Variants in SLC4A5 observed in about 807,000 individuals in gnomAD.
SLC4A5 encodes solute carrier family 4 member 5, also known as electrogenic sodium bicarbonate cotransporter 4.
In SLC4A5, 96 loss-of-function variants were observed where a neutral mutation model predicts 120.4. The ratio of observed to expected loss-of-function variants is 0.80; its 90% confidence interval spans 0.68 to 0.94. The LOEUF (loss-of-function observed/expected upper bound fraction) is 0.94. Ranked by LOEUF, SLC4A5 falls within the 40% of genes least tolerant of loss-of-function variation. The pLI, the probability that SLC4A5 is intolerant of heterozygous loss-of-function variation, is 0.00. For synonymous variants in SLC4A5, 550 were observed against 571.1 expected, an observed-to-expected ratio of 0.96 and a Z score of 0.53; for missense variants, 1,259 against 1,459.5, an observed-to-expected ratio of 0.86 and a Z score of 2.24.
chr2:74,341,731 C>G (rs1673631326), intron 2 of SLC4A5, among the ~76,000 whole-genome samples: 1 of 152,086 alleles, frequency 6.6e-6, no homozygotes, highest in Admixed American at 6.6e-5. Flanking sequence ...CTAGGAAGTC[C>G]AATATAAAAA....
intron 28 of SLC4A5, among the ~76,000 whole-genome samples, chr2:74,223,197 G>C (rs1187129001): frequency 1.3e-5 from 2 of 151,930 alleles, no homozygotes; most frequent in Non-Finnish European, 2.9e-5. Context: ...GTAGAGATGG[G>C]GTTTCACCAT....
intron 3 of SLC4A5, among the ~76,000 whole-genome samples, chr2:74,338,236 AG>A (rs770467202): frequency 3.3e-5 from 5 of 152,320 alleles, no homozygotes; most frequent in Non-Finnish European, 7.4e-5. Context: ...GTTTGGGGAC[AG>A]GAACTGGGCA....
intron 17 of SLC4A5, 138 bp from the exon 18 acceptor site, chr2:74,248,624 C>T (rs1558876971): frequency 2.0e-6 from 2 of 1,000,072 alleles, no homozygotes; most frequent in African/African-American, 1.6e-5. Context: ...TCCCTAAATC[C>T]TGTTCTCCAT....
In SLC4A5 at chr2:74,287,970, T is replaced by C. The variant is rs533015810; in HGVS notation, c.272-2068A>G. 1.4e-4 allele frequency among the ~76,000 whole-genome samples: 21 copies of C among 152,138 alleles called. No homozygotes were observed. The South Asian group carries it at 4.0e-3, about 29-fold the overall frequency. ...TAGTGGTCTGTGCTCATGGTCTCCATCTCCTCCTTGCCCAATCAGTTCCCG... is the reference window on the plus strand; with the variant it reads ...TAGTGGTCTGTGCTCATGGTCTCCACCTCCTCCTTGCCCAATCAGTTCCCG... On this transcript the variant is annotated intron_variant, in intron 7 of 30. Coordinates refer to ENST00000394019, the Ensembl canonical transcript of SLC4A5.
intron 5 of SLC4A5, among the ~76,000 whole-genome samples, chr2:74,327,002 A>G (rs1573107632): frequency 1.3e-5 from 2 of 152,102 alleles, no homozygotes; most frequent in African/African-American, 2.4e-5. Flanking sequence ...TTAGGTGCCC[A>G]CCCCTTCCCT....
chr2:74,340,766 T>A (rs571921077), intron 2 of SLC4A5, among the ~76,000 whole-genome samples: 1 of 152,274 alleles, frequency 6.6e-6, no homozygotes, highest in Non-Finnish European at 1.5e-5. Flanking sequence ...GGACCCTGGT[T>A]AGCTAAATAA....
intron 19 of SLC4A5, among the ~76,000 whole-genome samples, chr2:74,242,812 C>T (rs1054557158): frequency 3.3e-5 from 5 of 152,106 alleles, no homozygotes; most frequent in African/African-American, 1.2e-4. Flanking sequence ...GCCACCATGC[C>T]TGGTTAATTT....
intron 28 of SLC4A5, among the ~76,000 whole-genome samples, chr2:74,223,981 T>A (rs1017796282): frequency 1.3e-5 from 2 of 152,146 alleles, no homozygotes; most frequent in African/African-American, 4.8e-5. Flanking sequence ...ATTGGGAGAT[T>A]GGGAACCAAG....
intron 15 of SLC4A5, 35 bp downstream of exon 15, chr2:74,252,939 C>T: frequency 1.2e-6 from 2 of 1,612,486 alleles, no homozygotes; most frequent in Admixed American, 1.7e-5. Context: ...TTGAAGCCTC[C>T]TTTTTCTCTC....
intron 20 of SLC4A5, among the ~76,000 whole-genome samples, chr2:74,239,809 C>T (rs1309722369): frequency 1.5e-5 from 1 of 66,354 alleles, no homozygotes; most frequent in Non-Finnish European, 2.9e-5. Context: ...TGGCTCCCAT[C>T]AACCAACCAC....
intron 8 of SLC4A5, among the ~76,000 whole-genome samples, 183 bp downstream of exon 8, chr2:74,285,590 G>A (rs1671956142): frequency 6.6e-6 from 1 of 152,188 alleles, no homozygotes; most frequent in Admixed American, 6.5e-5. Flanking sequence ...ATTTGAGGAT[G>A]AAGAGGAATT....
intron 6 of SLC4A5, among the ~76,000 whole-genome samples, chr2:74,305,944 T>C (rs1299987509): frequency 6.6e-6 from 1 of 152,120 alleles, no homozygotes; most frequent in Non-Finnish European, 1.5e-5. Flanking sequence ...CAGGCTGGTC[T>C]CGAACTCCTG....
chr2:74,252,674 C>G (rs998324459), intron 15 of SLC4A5, among the ~76,000 whole-genome samples: 5 of 152,086 alleles, frequency 3.3e-5, no homozygotes, highest in Non-Finnish European at 7.4e-5. Flanking sequence ...GCAGCCTTGA[C>G]CTCCTGGGCT....
rs770292901 is a variant in SLC4A5 at position 74,235,221 on chromosome 2, A to T, written c.2320-7T>A. On this transcript the variant is annotated splice_region_variant and splice_polypyrimidine_tract_variant and intron_variant, in intron 21 of 30. Transcript: ENST00000394019. ...CAGCCACCAGGGCCCGGACCTGCAG[A>T]CAGGAGATGAGCAAGTAAAAGAAGT... The T allele has an allele frequency of 6.2e-7, 1 of 1,610,722 alleles. No homozygotes were observed. Among genetic ancestry groups the T allele is most frequent in the South Asian group, 1.1e-5 (1 of 90,744 alleles).
At chr2:74,241,138 C>T (rs1230230884) in intron 20 of SLC4A5, among the ~76,000 whole-genome samples, 1 of 151,934 alleles carries the variant, frequency 6.6e-6, no homozygotes, top group Non-Finnish European at 1.5e-5. Flanking sequence ...GGGTCCTAGG[C>T]AGAAAGAGAA....
rs920110246 is a variant in SLC4A5 at position 74,234,156 on chromosome 2, C to T, written c.2434-593G>A. On this transcript the variant is annotated intron_variant, in intron 22 of 30. Coordinates refer to ENST00000394019, the Ensembl canonical transcript of SLC4A5. Reference sequence around the variant, plus strand: ...CTACTCTGGTGAGATCGTTGGTGCTCTTTTTTTTTTCTTTCTTTCTTTCTT... The same window carrying T: ...CTACTCTGGTGAGATCGTTGGTGCTTTTTTTTTTTTCTTTCTTTCTTTCTT... 5.4e-5 allele frequency among the ~76,000 whole-genome samples: 8 copies of T among 148,730 alleles called. No individual in the cohort carries two copies. In the South Asian group the frequency reaches 8.6e-4, roughly 16 times the overall value.
chr2:74,245,416 G>T (rs890585757), intron 19 of SLC4A5, among the ~76,000 whole-genome samples: 1 of 152,170 alleles, frequency 6.6e-6, no homozygotes, highest in Admixed American at 6.5e-5. Flanking sequence ...TAAAATTTAC[G>T]TCAATGCAAC....
chr2:74,220,341 G>A (rs1694585069), intron 30 of SLC4A5, among the ~76,000 whole-genome samples: 1 of 152,036 alleles, frequency 6.6e-6, no homozygotes, highest in Non-Finnish European at 1.5e-5. Flanking sequence ...GATCTCTGAT[G>A]TTAGCTTTGA....
chr2:74,326,011 G>T (rs919176286), intron 5 of SLC4A5, among the ~76,000 whole-genome samples: 3 of 152,000 alleles, frequency 2.0e-5, no homozygotes, highest in African/African-American at 7.3e-5. Context: ...AGGGGGCCTG[G>T]TATGGGTTAC....
Sources: gnomAD v4.1 joint callset for allele counts (sites outside exome capture counted in the v4.1 genomes callset) on GRCh38, gnomAD v4.1.1 for gene constraint, MANE v1.5 for transcripts, NCBI Gene and HGNC (gene_info 2026-07-23, HGNC 2026-07-21) for gene names.